HPCAL1: variants seen among roughly 807,000 people sequenced by gnomAD.
The protein encoded by HPCAL1 is hippocalcin-like protein 1.
A neutral mutation model predicts 17.1 loss-of-function variants in HPCAL1; 8 were observed. The observed-to-expected ratio is 0.47, with a 90% CI of 0.27 to 0.84. The LOEUF (loss-of-function observed/expected upper bound fraction) is 0.84, where lower values mean the gene tolerates loss of function less well. Among genes scored for constraint, HPCAL1 ranks in the 40% least tolerant of loss-of-function variants. The pLI, the probability that HPCAL1 is intolerant of heterozygous loss-of-function variation, is 0.13. For missense variants in HPCAL1, 165 were observed against 271.1 expected, an observed-to-expected ratio of 0.61 and a Z score of 2.75; for synonymous variants, 112 against 111.4, an observed-to-expected ratio of 1.01 and a Z score of -0.03.
intron 2 of HPCAL1, among the ~76,000 whole-genome samples, chr2:10,400,772 TACAC>T (rs56003766): frequency 2.0e-5 from 3 of 151,862 alleles, no homozygotes; most frequent in South Asian, 2.1e-4. Context: ...CATGCACACA[TACAC>T]ACACGCACAC....
chr2:10,417,818 G>A (rs1231717267), intron 2 of HPCAL1, among the ~76,000 whole-genome samples: 1 of 151,956 alleles, frequency 6.6e-6, no homozygotes, highest in Non-Finnish European at 1.5e-5. Context: ...AAGGTGGGAG[G>A]ACTGCTTGAA....
chr2:10,367,251 G>A lies in HPCAL1; in HGVS notation c.-110-29584G>A, dbSNP rs1346916591. Among the ~76,000 whole-genome samples the A allele has an allele frequency of 1.3e-5, 2 of 151,964 alleles. No individual in the cohort carries two copies. The highest frequency in any genetic ancestry group is 2.4e-5 in the African/African-American group (1 of 41,372). On this transcript the variant is annotated intron_variant, in intron 1 of 4. Coordinates refer to ENST00000307845, the MANE Select transcript of HPCAL1 (RefSeq NM_002149.4). The surrounding 1 kb of genome is among the most constrained non-coding windows in gnomAD (Gnocchi z 4.4). ...ATATTTAATATACAGATGACGGGCG[G>A]ATGGTAGTGTTGTTTTAAGGGGGGA...
intron 1 of HPCAL1, among the ~76,000 whole-genome samples, chr2:10,329,390 A>G (rs1003653): frequency 0.16 from 24,148 of 152,168 alleles, 2,380 homozygotes; most frequent in East Asian, 0.35. Context: ...AAAGTAAGGA[A>G]CCTGTCCCAG....
intron 1 of HPCAL1, among the ~76,000 whole-genome samples, chr2:10,322,537 G>A (rs1663729589): frequency 6.6e-6 from 1 of 152,254 alleles, no homozygotes; most frequent in South Asian, 2.1e-4. Flanking sequence ...GTGAGTTTAG[G>A]CCTCACTGGC....
intron 1 of HPCAL1, among the ~76,000 whole-genome samples, chr2:10,332,840 T>C (rs1019139002): frequency 2.0e-5 from 3 of 152,044 alleles, no homozygotes; most frequent in Middle Eastern, 3.2e-3. Context: ...GGTGGTCAGA[T>C]GTGAAGGGCG....
At chr2:10,385,343 C>T (rs1489807041) in intron 1 of HPCAL1, among the ~76,000 whole-genome samples, 2 of 116,614 alleles carry the variant, frequency 1.7e-5, no homozygotes, top group Non-Finnish European at 3.5e-5. Context: ...GCTTCAGCTC[C>T]CGGTCACTTG....
intron 1 of HPCAL1, among the ~76,000 whole-genome samples, chr2:10,385,625 G>T (rs1200382377): frequency 6.6e-6 from 1 of 152,202 alleles, no homozygotes; most frequent in African/African-American, 2.4e-5. Flanking sequence ...GGCAGAATCC[G>T]GTGTCTGCTT....
At chr2:10,421,461 G>A (rs1277365200) in intron 3 of HPCAL1, among the ~76,000 whole-genome samples, 1 of 152,164 alleles carries the variant, frequency 6.6e-6, no homozygotes, top group Non-Finnish European at 1.5e-5. Flanking sequence ...AACACTTTGG[G>A]TGGCCGAGGC....
At chr2:10,406,273 C>G (rs918889810) in intron 2 of HPCAL1, 2 of 152,368 alleles carry the variant, frequency 1.3e-5, no homozygotes, top group African/African-American at 4.8e-5. Flanking sequence ...AGCTGGAGAA[C>G]TCCTGGAACC....
intron 1 of HPCAL1, among the ~76,000 whole-genome samples, chr2:10,318,591 T>C (rs1013283199): frequency 6.6e-6 from 1 of 152,168 alleles, no homozygotes; most frequent in Non-Finnish European, 1.5e-5. Flanking sequence ...CCAGCCTCCA[T>C]GTGCAGCCGG....
At chr2:10,368,166 G>A in intron 1 of HPCAL1, among the ~76,000 whole-genome samples, 1 of 150,046 alleles carries the variant, frequency 6.7e-6, no homozygotes, top group South Asian at 2.1e-4. Flanking sequence ...GTGTGTGTGT[G>A]CATTGTGTGT....
At position 10,384,440 on chromosome 2, in the gene HPCAL1, C is replaced by T. The variant is rs1668177839; in HGVS notation, c.-110-12395C>T. ...TTACCATCTGTGGTGTCCCCTCGCT[C>T]ACACTCACTACTGCCCTCCACAAAC... On this transcript the variant is annotated intron_variant, in intron 1 of 4. Coordinates refer to ENST00000307845, the MANE Select transcript of HPCAL1 (RefSeq NM_002149.4). The surrounding 1 kb of genome is among the most constrained non-coding windows in gnomAD (Gnocchi z 4.4). 6.6e-6 allele frequency among the ~76,000 whole-genome samples: 1 copy of T among 152,202 alleles called. No homozygotes were observed. Among genetic ancestry groups the T allele is most frequent in the Non-Finnish European group, 1.5e-5 (1 of 68,024 alleles).
chr2:10,320,959 T>TGAGG (rs1359001731), intron 1 of HPCAL1, among the ~76,000 whole-genome samples: 1 of 151,970 alleles, frequency 6.6e-6, no homozygotes, highest in Non-Finnish European at 1.5e-5. Flanking sequence ...GTGAAGAGGG[T>TGAGG]GAGGGTATTG....
At position 10,399,241 on chromosome 2, in the gene HPCAL1, TCAC is replaced by T. The variant is rs1558517511; in HGVS notation, c.-25+2339_-25+2341del. On this transcript the variant is annotated intron_variant, in intron 2 of 4. Transcript: ENST00000307845. ...ACCACCACCACCACCACCACCACCA[TCAC>T]CACCACCACCACCACCATCACCACC... 2.5e-3 allele frequency among the ~76,000 whole-genome samples: 30 copies of T among 12,004 alleles called. 1 individual carries two copies. In the South Asian group the frequency reaches 0.037, roughly 15 times the overall value. 7.9% of individuals were successfully genotyped at this position (12,004 alleles called of 152,430 possible).
intron 2 of HPCAL1, among the ~76,000 whole-genome samples, chr2:10,406,888 C>T (rs183749814): frequency 1.2e-4 from 18 of 152,304 alleles, no homozygotes; most frequent in Non-Finnish European, 2.1e-4. Context: ...TTCTCTTGGG[C>T]GTTTCCCTTT....
At chr2:10,387,708 C>A (rs943647400) in intron 1 of HPCAL1, among the ~76,000 whole-genome samples, 2 of 152,168 alleles carry the variant, frequency 1.3e-5, no homozygotes, top group Admixed American at 1.3e-4. Flanking sequence ...GGTCTGAACA[C>A]CTGCAAGGGA....
rs564010154 is a variant in HPCAL1 at position 10,404,836 on chromosome 2, A to G, written c.-25+7916A>G. 3.9e-5 allele frequency among the ~76,000 whole-genome samples: 6 copies of G among 152,234 alleles called. No homozygotes were observed. The East Asian group carries it at 1.2e-3, about 29-fold the overall frequency. ...CAGGCTCTCTGCCCAGCTGGGCCTC[A>G]GGACCAGGTTTTAATGCCGCTGCTT... On this transcript the variant is annotated intron_variant, in intron 2 of 4. Transcript: ENST00000307845.
chr2:10,357,745 G>A (rs1476438941), intron 1 of HPCAL1, among the ~76,000 whole-genome samples: 1 of 152,100 alleles, frequency 6.6e-6, no homozygotes, highest in African/African-American at 2.4e-5. Flanking sequence ...TCAAGAAAGC[G>A]TGTTTTTCCT....
chr2:10,383,019 T>C (rs1439006166), intron 1 of HPCAL1, among the ~76,000 whole-genome samples: 1 of 152,180 alleles, frequency 6.6e-6, no homozygotes, highest in African/African-American at 2.4e-5. Context: ...TGACTCCTCC[T>C]CTGGGAATGA....
Sources: allele counts gnomAD v4.1 joint callset (sites outside exome capture counted in the v4.1 genomes callset), GRCh38; gene constraint gnomAD v4.1.1; non-coding constraint Gnocchi (gnomAD v3.1); transcripts MANE v1.5; gene names NCBI Gene and HGNC (gene_info 2026-07-23, HGNC 2026-07-21).